Variants in AGPAT3 observed in about 807,000 individuals in gnomAD.
AGPAT3 encodes the protein 1-acylglycerol-3-phosphate O-acyltransferase 3.
A neutral mutation model predicts 47.3 loss-of-function variants in AGPAT3; 5 were observed. That is an observed-to-expected ratio of 0.11 (90% confidence interval 0.06 to 0.22). The LOEUF (loss-of-function observed/expected upper bound fraction) is 0.22. AGPAT3 is among the 10% of genes least tolerant of loss of function. AGPAT3 has a pLI of 1.00. For synonymous variants in AGPAT3, 212 were observed against 208.3 expected (o/e 1.02, Z -0.15); for missense variants, 315 against 493.0 (o/e 0.64, Z 3.42).
At position 43,933,567 on chromosome 21, in the gene AGPAT3, A is replaced by C. The variant is rs994834144; in HGVS notation, c.-48-26067A>C. Among the ~76,000 whole-genome samples the C allele has an allele frequency of 6.6e-6, 1 of 151,946 alleles. No homozygotes were observed. Among genetic ancestry groups the C allele is most frequent in the Non-Finnish European group, 1.5e-5 (1 of 68,024 alleles). ...GCGCCCCGGGGGTCTTTGGTTCTCC[A>C]TAGCCTGCTGGCGTCCATGTGTTTT... On this transcript the variant is annotated intron_variant, in intron 2 of 9. Coordinates refer to ENST00000291572, the MANE Select transcript of AGPAT3 (RefSeq NM_020132.5). The surrounding 1 kb of genome is among the most constrained non-coding windows in gnomAD (Gnocchi z 6.0).
intron 1 of AGPAT3, among the ~76,000 whole-genome samples, chr21:43,900,608 A>G (rs564707181): frequency 6.6e-6 from 1 of 152,222 alleles, no homozygotes; most frequent in South Asian, 2.1e-4. Context: ...AGCTCTGGAG[A>G]GCTGAGGAGG....
intron 2 of AGPAT3, among the ~76,000 whole-genome samples, chr21:43,956,256 C>T (rs116248302): frequency 1.3e-5 from 2 of 152,202 alleles, no homozygotes; most frequent in Admixed American, 6.5e-5. Context: ...AGGCTCTGCT[C>T]TAAGGGGCCC....
chr21:43,912,385 G>A (rs764306040), intron 2 of AGPAT3, among the ~76,000 whole-genome samples: 20 of 152,358 alleles, frequency 1.3e-4, no homozygotes, highest in Non-Finnish European at 2.4e-4. Flanking sequence ...TGGCCATGGC[G>A]CAGACCTAGC....
chr21:43,897,668 C>G (rs780085486), intron 1 of AGPAT3, among the ~76,000 whole-genome samples: 2 of 150,794 alleles, frequency 1.3e-5, no homozygotes, highest in Non-Finnish European at 3.0e-5. Flanking sequence ...ACGGGGCGGC[C>G]GGGCAGAGGG....
intron 2 of AGPAT3, 25 bp from the exon 3 acceptor site, chr21:43,959,609 G>A (rs769170033): frequency 8.1e-6 from 13 of 1,597,612 alleles, no homozygotes; most frequent in Admixed American, 3.3e-5. Flanking sequence ...CCACCCTGAC[G>A]CTGTCCCTGT....
intron 1 of AGPAT3, among the ~76,000 whole-genome samples, chr21:43,865,712 G>A (rs963551265): frequency 6.6e-6 from 1 of 151,498 alleles, no homozygotes; most frequent in Non-Finnish European, 1.5e-5. Flanking sequence ...GGCCGAGGGA[G>A]GGCGAGTGGG....
At position 43,952,962 on chromosome 21, in the gene AGPAT3, G is replaced by T. The variant is rs2088273376; in HGVS notation, c.-48-6672G>T. Among the ~76,000 whole-genome samples the T allele has an allele frequency of 6.6e-6, 1 of 152,180 alleles. No homozygotes were observed. Among genetic ancestry groups the T allele is most frequent in the Non-Finnish European group, 1.5e-5 (1 of 68,026 alleles). ...TATCTGCTGCGGTCAGGGTGTCAGT[G>T]GTGCCACCATAACCAAGTGAGGCGA... On this transcript the variant is annotated intron_variant, in intron 2 of 9. Transcript: ENST00000291572. This position sits in a 1 kb window ranked among gnomAD's most constrained non-coding sequence, Gnocchi z 5.6.
chr21:43,880,989 AGAAT>A lies in AGPAT3; in HGVS notation c.-112+15651_-112+15654del, dbSNP rs1410145454. On this transcript the variant is annotated intron_variant, in intron 1 of 9. Coordinates refer to ENST00000291572, the MANE Select transcript of AGPAT3 (RefSeq NM_020132.5). This position sits in a 1 kb window ranked among gnomAD's most constrained non-coding sequence, Gnocchi z 4.5. ...AGGGGGAAGAGAGAGAAAATGAGAG[AGAAT>A]GAATGAGAACAAATGTAAGAACTTT... 6.6e-6 allele frequency among the ~76,000 whole-genome samples: 1 copy of A among 152,164 alleles called. No homozygotes were observed. Among genetic ancestry groups the A allele is most frequent in the Non-Finnish European group, 1.5e-5 (1 of 68,034 alleles).
chr21:43,874,170 C>T (rs943643722), intron 1 of AGPAT3, among the ~76,000 whole-genome samples: 7 of 152,146 alleles, frequency 4.6e-5, no homozygotes, highest in African/African-American at 9.7e-5. Context: ...GGATTATAGG[C>T]GTGTGCCACC....
chr21:43,981,205 T>G lies in AGPAT3; in HGVS notation c.1042+18T>G. 6.2e-7 allele frequency: 1 copy of G among 1,613,120 alleles called. No individual in the cohort carries two copies. The highest frequency in any genetic ancestry group is 2.2e-5 in the East Asian group (1 of 44,858). Reference sequence around the variant, plus strand: ...GGGAGCAGGTAATGGACACTGTCGCTAACAGCTCACACTCTGACGGGCCTC... The same window carrying G: ...GGGAGCAGGTAATGGACACTGTCGCGAACAGCTCACACTCTGACGGGCCTC... On this transcript the variant is annotated intron_variant, in intron 9 of 9. Transcript: ENST00000291572. This position sits in a 1 kb window ranked among gnomAD's most constrained non-coding sequence, Gnocchi z 5.3.
At position 43,985,154 on chromosome 21, in the gene AGPAT3, CCCAGGTG is replaced by C. The variant is rs1569116420; in HGVS notation, c.*2770_*2776del. 2.2e-6 allele frequency: 1 copy of C among 456,320 alleles called. No individual in the cohort carries two copies. Among genetic ancestry groups the C allele is most frequent in the East Asian group, 7.0e-5 (1 of 14,378 alleles). The allele number at this position is 456,320 out of a possible 1,614,324, so 28.3% of individuals were successfully genotyped here. On this transcript the variant is annotated 3_prime_UTR_variant, in exon 10 of 10. Transcript: ENST00000291572. Reference sequence around the variant, plus strand: ...GACGCCGCTGGCCTCCCAGCTTAGGCCCAGGTGCCAGGTGTCATGGGGTCTCCTGCCC... The same window carrying C: ...GACGCCGCTGGCCTCCCAGCTTAGGCCCAGGTGTCATGGGGTCTCCTGCCC...
In AGPAT3 at chr21:43,941,001, A is replaced by G. The variant is rs150233645; in HGVS notation, c.-48-18633A>G. On this transcript the variant is annotated intron_variant, in intron 2 of 9. Transcript: ENST00000291572. ...TGCTCGTTGGTAAAACGGGACACTGATGCCGCCTGCTGTTTCTGCAGAGGG... is the reference window on the plus strand; with the variant it reads ...TGCTCGTTGGTAAAACGGGACACTGGTGCCGCCTGCTGTTTCTGCAGAGGG... Among the ~76,000 whole-genome samples, 13 of 152,324 alleles carry G rather than the reference A, an allele frequency of 8.5e-5. No individual in the cohort carries two copies. In the East Asian group the frequency reaches 2.5e-3, roughly 29 times the overall value.
At position 43,939,284 on chromosome 21, in the gene AGPAT3, G is replaced by A. The variant is rs1248149103; in HGVS notation, c.-48-20350G>A. The stretch of plus-strand genomic sequence containing the variant: ...CCCCGTGTGCTGTCGAGGGCCTCTA[G>A]CGGGCGCTCCCTTGATAACACCCCA... On this transcript the variant is annotated intron_variant, in intron 2 of 9. Coordinates refer to ENST00000291572, the MANE Select transcript of AGPAT3 (RefSeq NM_020132.5). This position sits in a 1 kb window ranked among gnomAD's most constrained non-coding sequence, Gnocchi z 4.4. 1.3e-5 allele frequency among the ~76,000 whole-genome samples: 2 copies of A among 152,098 alleles called. No homozygotes were observed. Among genetic ancestry groups the A allele is most frequent in the East Asian group, 1.9e-4 (1 of 5,190 alleles).
chr21:43,923,402 A>G (rs2146208506), intron 2 of AGPAT3, among the ~76,000 whole-genome samples: 1 of 152,220 alleles, frequency 6.6e-6, no homozygotes, highest in Admixed American at 6.5e-5. Context: ...GCACTCTCAT[A>G]CTCAACACAG....
chr21:43,922,588 T>TC lies in AGPAT3; in HGVS notation c.-49+18576dup, dbSNP rs1193466650. On this transcript the variant is annotated intron_variant, in intron 2 of 9. Coordinates refer to ENST00000291572, the MANE Select transcript of AGPAT3 (RefSeq NM_020132.5). This position sits in a 1 kb window ranked among gnomAD's most constrained non-coding sequence, Gnocchi z 4.9. The stretch of plus-strand genomic sequence containing the variant: ...GGGGCACAGAGACTCTGGGCCTGGG[T>TC]CCCCCCCGGCACAGTCTGTGACCTG... Among the ~76,000 whole-genome samples, 2 of 151,844 alleles carry TC rather than the reference T, an allele frequency of 1.3e-5. No individual in the cohort carries two copies. Among genetic ancestry groups the TC allele is most frequent in the East Asian group, 1.9e-4 (1 of 5,168 alleles).
rs150530265 is a variant in AGPAT3 at position 43,905,641 on chromosome 21, G to A, written c.-49+1622G>A. ...ATTCTGGATTCACAAAAGTTTACTT[G>A]CTGGGTTTGCTCATTGTTGATTTAA... On this transcript the variant is annotated intron_variant, in intron 2 of 9. Transcript: ENST00000291572. 1.1e-4 allele frequency among the ~76,000 whole-genome samples: 17 copies of A among 152,354 alleles called. No homozygotes were observed. The East Asian group carries it at 2.1e-3, about 19-fold the overall frequency.
chr21:43,946,687 AAGT>A (rs1231753918), intron 2 of AGPAT3, among the ~76,000 whole-genome samples: 1 of 152,202 alleles, frequency 6.6e-6, no homozygotes, highest in Non-Finnish European at 1.5e-5. Context: ...TATAGAGTAA[AAGT>A]AGTTATTATA....
intron 2 of AGPAT3, among the ~76,000 whole-genome samples, chr21:43,910,491 G>A (rs1260780061): frequency 6.6e-6 from 1 of 152,076 alleles, no homozygotes; most frequent in East Asian, 1.9e-4. Flanking sequence ...GAATACAGGT[G>A]AATTAGTCCT....
intron 2 of AGPAT3, among the ~76,000 whole-genome samples, chr21:43,910,736 A>G (rs2838432): frequency 0.11 from 16,304 of 152,166 alleles, 1,701 homozygotes; most frequent in African/African-American, 0.27. Flanking sequence ...CAAAGGGCTC[A>G]GACTTTGATC....
Sources: allele counts gnomAD v4.1 joint callset (sites outside exome capture counted in the v4.1 genomes callset), GRCh38; gene constraint gnomAD v4.1.1; non-coding constraint Gnocchi (gnomAD v3.1); transcripts MANE v1.5; gene names NCBI Gene and HGNC (gene_info 2026-07-23, HGNC 2026-07-21).